The following LPP variants were observed in gnomAD, a reference collection of about 807,000 sequenced individuals.
LPP encodes LIM domain containing preferred translocation partner in lipoma.
In LPP, 38 loss-of-function variants were observed where a neutral mutation model predicts 60.4. The observed-to-expected ratio is 0.63, with a 90% CI of 0.49 to 0.83. The LOEUF is 0.83. Ranked by LOEUF, LPP falls within the 40% of genes least tolerant of loss-of-function variation. The pLI is 0.00. For missense variants in LPP, 902 were observed against 783.6 expected, an observed-to-expected ratio of 1.15 and a Z score of -1.80; for synonymous variants, 328 against 290.8, an observed-to-expected ratio of 1.13 and a Z score of -1.30.
chr3:188,523,868 T>G (rs1396174990), intron 5 of LPP, among the ~76,000 whole-genome samples: 1 of 151,920 alleles, frequency 6.6e-6, no homozygotes, highest in Non-Finnish European at 1.5e-5. Context: ...TACTTCACCC[T>G]GCCTCCAAAT....
At chr3:188,311,905 C>T (rs756712797) in intron 2 of LPP, among the ~76,000 whole-genome samples, 15 of 152,108 alleles carry the variant, frequency 9.9e-5, no homozygotes, top group Non-Finnish European at 2.1e-4. Flanking sequence ...TCCCAAAGTG[C>T]TGGGATTACA....
chr3:188,760,269 A>G lies in LPP; in HGVS notation c.1397A>G (p.Glu466Gly). The part of the protein sequence containing the change: ...FYAVEKKAYC[E>G]PCYINTLEQC... ...GCTGTGGAAAAGAAAGCATACTGCG[A>G]GCCCTGCTACATTGTAAGTTCCAGA... Residue 466 changes from glutamate (E) to glycine (G), a missense_variant, in exon 9 of 12, where the codon GAG becomes GGG. Coordinates refer to ENST00000617246, the MANE Select transcript of LPP (RefSeq NM_001375462.1). The G allele has an allele frequency of 4.3e-6, 7 of 1,614,106 alleles. No homozygotes were observed. The highest frequency in any genetic ancestry group is 5.1e-6 in the Non-Finnish European group (6 of 1,179,990).
intron 2 of LPP, among the ~76,000 whole-genome samples, chr3:188,335,847 C>G (rs1362690861): frequency 6.6e-6 from 1 of 152,098 alleles, no homozygotes; most frequent in Admixed American, 6.6e-5. Context: ...GAACAATTAC[C>G]TCTTCTATAC....
intron 7 of LPP, among the ~76,000 whole-genome samples, chr3:188,611,943 A>G (rs2151418310): frequency 6.6e-6 from 1 of 152,292 alleles, no homozygotes; most frequent in East Asian, 1.9e-4. Flanking sequence ...GTCCTCACCA[A>G]CTGACACAGG....
chr3:188,250,017 A>G (rs1168617538), intron 2 of LPP, among the ~76,000 whole-genome samples: 2 of 152,022 alleles, frequency 1.3e-5, no homozygotes, highest in Admixed American at 1.3e-4. Flanking sequence ...CATCATATTC[A>G]CAGTATGGTA....
At chr3:188,589,700 T>C (rs1276118489) in intron 6 of LPP, among the ~76,000 whole-genome samples, 1 of 152,246 alleles carries the variant, frequency 6.6e-6, no homozygotes. Flanking sequence ...TTTTTATATA[T>C]TGAAGCTACT....
chr3:188,408,754 G>GTT (rs147585860), intron 4 of LPP, among the ~76,000 whole-genome samples: 6 of 143,930 alleles, frequency 4.2e-5, no homozygotes, highest in Non-Finnish European at 6.1e-5. Flanking sequence ...CCTACAAAAT[G>GTT]TTTTTTTTTT....
chr3:188,216,067 TTCTCC>T (rs1713439901), intron 1 of LPP, among the ~76,000 whole-genome samples: 1 of 152,198 alleles, frequency 6.6e-6, no homozygotes, highest in African/African-American at 2.4e-5. Context: ...TTGCTTTATT[TTCTCC>T]TCTCCTTACC....
chr3:188,581,378 A>T (rs961355815), intron 6 of LPP, among the ~76,000 whole-genome samples: 7 of 152,168 alleles, frequency 4.6e-5, no homozygotes, highest in African/African-American at 1.2e-4. Context: ...AAACAGAACC[A>T]CAGTGGGTCA....
At chr3:188,597,003 C>T (rs1227445401) in intron 6 of LPP, among the ~76,000 whole-genome samples, 1 of 152,106 alleles carries the variant, frequency 6.6e-6, no homozygotes, top group Admixed American at 6.6e-5. Flanking sequence ...CTGAGATCCA[C>T]TTTGTTAAAG....
chr3:188,214,647 C>G (rs1483428025), intron 1 of LPP, among the ~76,000 whole-genome samples: 1 of 152,168 alleles, frequency 6.6e-6, no homozygotes, highest in Non-Finnish European at 1.5e-5. Context: ...GCACAGGACT[C>G]CCAGGAACCT....
intron 2 of LPP, among the ~76,000 whole-genome samples, chr3:188,236,149 G>A (rs1248285942): frequency 1.3e-5 from 2 of 152,066 alleles, no homozygotes; most frequent in Non-Finnish European, 2.9e-5. Context: ...TTAGGTTGGT[G>A]CAAAAGTAAT....
At chr3:188,772,574 A>C (rs1387912907) in intron 9 of LPP, among the ~76,000 whole-genome samples, 2 of 152,032 alleles carry the variant, frequency 1.3e-5, no homozygotes, top group Admixed American at 6.5e-5. Flanking sequence ...GGCTCACTGC[A>C]ACCTCTGCCT....
At chr3:188,710,163 T>TAATGACA (rs1866334264) in intron 8 of LPP, 1 of 152,260 alleles carries the variant, frequency 6.6e-6, no homozygotes, top group Non-Finnish European at 1.5e-5. Flanking sequence ...TGGGAATATG[T>TAATGACA]AATGACAGGT....
At chr3:188,770,248 G>A (rs1459975966) in intron 9 of LPP, among the ~76,000 whole-genome samples, 3 of 140,366 alleles carry the variant, frequency 2.1e-5, no homozygotes, top group African/African-American at 5.3e-5. Flanking sequence ...GTGCAATCTC[G>A]GCTCACCGCA....
intron 8 of LPP, among the ~76,000 whole-genome samples, chr3:188,746,888 A>C (rs1560148868): frequency 6.6e-6 from 1 of 152,176 alleles, no homozygotes; most frequent in Non-Finnish European, 1.5e-5. Flanking sequence ...ATAATGTGTC[A>C]ATAAGTTTGA....
At chr3:188,527,126 G>T (rs1194193398) in intron 6 of LPP, among the ~76,000 whole-genome samples, 1 of 152,072 alleles carries the variant, frequency 6.6e-6, no homozygotes, top group Non-Finnish European at 1.5e-5. Flanking sequence ...GCCTTTGAAG[G>T]CTTGGAGTAG....
chr3:188,815,535 G>GA (rs530949707), intron 9 of LPP, among the ~76,000 whole-genome samples: 2 of 135,578 alleles, frequency 1.5e-5, no homozygotes, highest in African/African-American at 2.8e-5. Flanking sequence ...TCTCCCTTTA[G>GA]AAAAAAAAGA....
At chr3:188,524,064 A>G (rs1462071720) in intron 5 of LPP, among the ~76,000 whole-genome samples, 2 of 152,166 alleles carry the variant, frequency 1.3e-5, no homozygotes, top group African/African-American at 4.8e-5. Context: ...GTCCATGCTC[A>G]CTGCCACATG....
Sources: allele counts gnomAD v4.1 joint callset (sites outside exome capture counted in the v4.1 genomes callset), GRCh38; gene constraint gnomAD v4.1.1; transcripts MANE v1.5; gene names NCBI Gene and HGNC (gene_info 2026-07-23, HGNC 2026-07-21).